TBC1D2: variants seen among roughly 807,000 people sequenced by gnomAD.
The protein encoded by TBC1D2 is TBC1 domain family member 2.
A neutral mutation model predicts 91.1 loss-of-function variants in TBC1D2; 58 were observed. The observed-to-expected ratio is 0.64, with a 90% CI of 0.52 to 0.79. The LOEUF (loss-of-function observed/expected upper bound fraction) is 0.79, where lower values mean the gene tolerates loss of function less well. Among genes scored for constraint, TBC1D2 ranks in the 30% least tolerant of loss-of-function variants. The pLI, the probability that TBC1D2 is intolerant of heterozygous loss-of-function variation, is 0.00. For missense variants in TBC1D2, 1,080 were observed against 1,208.3 expected (o/e 0.89, Z 1.57); for synonymous variants, 482 against 511.5 (o/e 0.94, Z 0.78).
intron 3 of TBC1D2, among the ~76,000 whole-genome samples, chr9:98,240,023 CT>C (rs1191400335): frequency 1.3e-5 from 2 of 152,116 alleles, no homozygotes; most frequent in Non-Finnish European, 2.9e-5. Context: ...GCAATGCTCT[CT>C]TTTGTTCTTG....
chr9:98,199,231 TG>T lies in TBC1D2; in HGVS notation c.*149del. On this transcript the variant is annotated 3_prime_UTR_variant, in exon 13 of 13. Transcript: ENST00000465784. ...GGCTTTGCAGCACACAATGTCCCAG[TG>T]GGGAAACTGAGGGCCAGAGAGGGGA... The T allele has an allele frequency of 1.2e-6, 1 of 831,468 alleles. No homozygotes were observed. The highest frequency in any genetic ancestry group is 1.9e-6 in the Non-Finnish European group (1 of 526,528). 51.5% of individuals were successfully genotyped at this position (831,468 alleles called of 1,614,324 possible). A position where few individuals can be genotyped will look rare whatever the true frequency, so the allele number is the denominator to read the frequency against.
At chr9:98,246,809 C>T (rs893597280) in intron 2 of TBC1D2, among the ~76,000 whole-genome samples, 1 of 151,878 alleles carries the variant, frequency 6.6e-6, no homozygotes, top group Non-Finnish European at 1.5e-5. Flanking sequence ...GGTTTCAGAC[C>T]CAGAGCTGAG....
intron 3 of TBC1D2, 81 bp downstream of exon 3, chr9:98,243,913 G>C: frequency 6.5e-7 from 1 of 1,526,820 alleles, no homozygotes; most frequent in Non-Finnish European, 8.9e-7. Flanking sequence ...CCATCTCCCT[G>C]CAGGAGAATC....
At chr9:98,234,654 C>T (rs932302994) in intron 3 of TBC1D2, 2 of 152,214 alleles carry the variant, frequency 1.3e-5, no homozygotes, top group Admixed American at 1.3e-4. Context: ...GTGTGGAAGT[C>T]ATCCTTGCCT....
intron 3 of TBC1D2, among the ~76,000 whole-genome samples, 183 bp from the exon 4 acceptor site, chr9:98,233,732 C>T (rs1027063786): frequency 6.6e-6 from 1 of 152,216 alleles, no homozygotes; most frequent in Non-Finnish European, 1.5e-5. Context: ...ATCTCCTTTA[C>T]CTATCTCTTT....
intron 2 of TBC1D2, among the ~76,000 whole-genome samples, chr9:98,250,518 A>G (rs1383110389): frequency 6.6e-6 from 1 of 152,122 alleles, no homozygotes; most frequent in Non-Finnish European, 1.5e-5. Context: ...TGGCCAGCAC[A>G]GTGATTGACT....
intron 2 of TBC1D2, among the ~76,000 whole-genome samples, chr9:98,246,716 G>A (rs1240499106): frequency 2.0e-5 from 3 of 152,132 alleles, no homozygotes; most frequent in African/African-American, 7.2e-5. Flanking sequence ...CTGCAGCTGG[G>A]CCTTAAGGAC....
At chr9:98,201,816 G>A (rs1828514150) in intron 10 of TBC1D2, 152 bp from the exon 11 acceptor site, 2 of 700,538 alleles carry the variant, frequency 2.9e-6, no homozygotes, top group African/African-American at 1.8e-5. Flanking sequence ...GGGGAGCCAG[G>A]GGCCAGTCTA....
rs201328497 is a variant in TBC1D2, at chr9:98,209,117, C to A, written c.1701G>T (p.Thr567=). 6.2e-7 allele frequency: 1 copy of A among 1,613,870 alleles called. No individual in the cohort carries two copies. Among genetic ancestry groups the A allele is most frequent in the Non-Finnish European group, 8.5e-7 (1 of 1,179,846 alleles). Residue 567 remains threonine (T), a synonymous_variant, in exon 9 of 13, where the codon ACG becomes ACT. Coordinates refer to ENST00000465784, the MANE Select transcript of TBC1D2 (RefSeq NM_001267571.2). Reference sequence around the variant, plus strand: ...GGTCTTCCACCTCATAGTCGGGCACCGTCAGGAAGCCGTACTCATCATACT... The same window carrying A: ...GGTCTTCCACCTCATAGTCGGGCACAGTCAGGAAGCCGTACTCATCATACT... ...ISKYDEYGFL[T]VPDYEVEDLK... is the part of the protein sequence containing the mutation.
At chr9:98,253,554 C>A (rs1292498183) in intron 1 of TBC1D2, among the ~76,000 whole-genome samples, 1 of 152,180 alleles carries the variant, frequency 6.6e-6, no homozygotes, top group African/African-American at 2.4e-5. Context: ...ATCCTTTGGG[C>A]CCCTCTGTTT....
intron 5 of TBC1D2, among the ~76,000 whole-genome samples, chr9:98,222,166 A>G (rs767683248): frequency 3.3e-5 from 5 of 152,234 alleles, no homozygotes; most frequent in Admixed American, 6.5e-5. Flanking sequence ...TGTGCTCAGT[A>G]ACTAAGAAAA....
chr9:98,230,600 T>C (rs571436850), intron 4 of TBC1D2, among the ~76,000 whole-genome samples: 16 of 152,154 alleles, frequency 1.1e-4, no homozygotes, highest in African/African-American at 3.4e-4. Context: ...AAAGAGTTAC[T>C]CCAGTAGGTG....
chr9:98,253,862 G>A (rs1357404864), intron 1 of TBC1D2, among the ~76,000 whole-genome samples: 1 of 152,164 alleles, frequency 6.6e-6, no homozygotes, highest in Admixed American at 6.5e-5. Flanking sequence ...ACTTTAAGCT[G>A]TCAGAGAACC....
intron 10 of TBC1D2, 66 bp downstream of exon 10, chr9:98,203,222 G>T: frequency 6.3e-7 from 1 of 1,582,712 alleles, no homozygotes; most frequent in Non-Finnish European, 8.6e-7. Flanking sequence ...AGAGTCACAG[G>T]CTTCTAGGAA....
chr9:98,205,755 G>A (rs1828634093), intron 9 of TBC1D2, among the ~76,000 whole-genome samples: 2 of 151,910 alleles, frequency 1.3e-5, no homozygotes, highest in South Asian at 4.1e-4. Flanking sequence ...TTTTGACAGG[G>A]CTTTGCCATG....
chr9:98,250,157 G>A (rs1259531455), intron 2 of TBC1D2, among the ~76,000 whole-genome samples: 2 of 152,212 alleles, frequency 1.3e-5, no homozygotes, highest in Non-Finnish European at 2.9e-5. Flanking sequence ...CAATGCTGGA[G>A]CTTGGCCATA....
At chr9:98,215,661 C>T (rs1185105202) in intron 6 of TBC1D2, among the ~76,000 whole-genome samples, 1 of 152,190 alleles carries the variant, frequency 6.6e-6, no homozygotes, top group Non-Finnish European at 1.5e-5. Flanking sequence ...GCAGGCACCA[C>T]CATGCCTAGC....
intron 11 of TBC1D2, 21 bp downstream of exon 11, chr9:98,201,458 C>T (rs750927558): frequency 3.7e-6 from 6 of 1,607,698 alleles, no homozygotes; most frequent in Non-Finnish European, 3.4e-6. Context: ...GCCCCCTGCC[C>T]ATCCCCTGGC....
chr9:98,255,552 C>T lies in TBC1D2; in HGVS notation c.-11G>A, dbSNP rs138196789. 534 of 1,499,144 alleles carry T rather than the reference C, an allele frequency of 3.6e-4. 12 individuals are homozygous for T. The East Asian group carries it at 0.012, about 34-fold the overall frequency. The allele number at this position is 1,499,144 out of a possible 1,614,324, so 92.9% of individuals were successfully genotyped here. ...CCCAGCGCCCTCCATCGCTGCCAGC[C>T]GGAGACTGCGGAGGGACGAGGGGTC... On this transcript the variant is annotated 5_prime_UTR_variant, in exon 1 of 13. Transcript: ENST00000465784.
Sources: allele counts gnomAD v4.1 joint callset (sites outside exome capture counted in the v4.1 genomes callset), GRCh38; gene constraint gnomAD v4.1.1; transcripts MANE v1.5; gene names NCBI Gene and HGNC (gene_info 2026-07-23, HGNC 2026-07-21).